The following HORMAD1 variants were observed in gnomAD, a reference collection of about 807,000 sequenced individuals.
HORMAD1 encodes HORMA domain containing 1.
A neutral mutation model predicts 58.2 loss-of-function variants in HORMAD1; 33 were observed. The ratio of observed to expected loss-of-function variants is 0.57; its 90% CI spans 0.43 to 0.76. The LOEUF is 0.76. Among genes scored for constraint, HORMAD1 ranks in the 30% least tolerant of loss-of-function variants. HORMAD1 has a pLI of 0.00. For missense variants in HORMAD1, 363 were observed against 462.0 expected, an observed-to-expected ratio of 0.79 and a Z score of 1.96; for synonymous variants, 137 against 144.6, an observed-to-expected ratio of 0.95 and a Z score of 0.38.
chr1:150,708,040 G>A (rs1240626780), intron 9 of HORMAD1, among the ~76,000 whole-genome samples: 1 of 152,186 alleles, frequency 6.6e-6, no homozygotes, highest in Non-Finnish European at 1.5e-5. Context: ...AAATTTGAGT[G>A]AGGTTATACT....
intron 6 of HORMAD1, 128 bp downstream of exon 6, chr1:150,711,705 C>A: frequency 1.1e-6 from 1 of 931,434 alleles, no homozygotes; most frequent in Non-Finnish European, 1.7e-6. Flanking sequence ...ATTACTTTTT[C>A]ATTCCATTGA....
intron 3 of HORMAD1, among the ~76,000 whole-genome samples, chr1:150,716,110 C>T (rs1652065826): frequency 6.8e-6 from 1 of 146,462 alleles, no homozygotes; most frequent in South Asian, 2.2e-4. Context: ...ACGGAGGAAC[C>T]TTGAAAACAT....
Position 150,717,217 on chromosome 1 carries a change from A to C in HORMAD1, c.99T>G (p.Leu33=). The C allele has an allele frequency of 6.3e-7, 1 of 1,595,908 alleles. No homozygotes were observed. Residue 33 remains leucine, a synonymous_variant, in exon 3 of 15, where the codon CTT becomes CTG. Coordinates refer to ENST00000361824, the MANE Select transcript of HORMAD1 (RefSeq NM_032132.5). ...TGATACAGGATACTGAAACTGCTAG[A>C]AGCCTCTTCACTAACACCAAAGACT... ...EHQSLVLVKR[L]LAVSVSCITY... is the part of the protein sequence containing the mutation.
intron 3 of HORMAD1, among the ~76,000 whole-genome samples, chr1:150,715,496 A>G (rs1652040363): frequency 6.6e-6 from 1 of 152,210 alleles, no homozygotes; most frequent in African/African-American, 2.4e-5. Flanking sequence ...AGTGCTTAAC[A>G]TATTGCCCAG....
chr1:150,713,435 C>T (rs1374604726), intron 5 of HORMAD1, among the ~76,000 whole-genome samples: 3 of 151,948 alleles, frequency 2.0e-5, no homozygotes, highest in Admixed American at 6.6e-5. Flanking sequence ...CTTCTTGAGG[C>T]TGAGGCAGGA....
intron 7 of HORMAD1, among the ~76,000 whole-genome samples, chr1:150,709,543 G>A (rs587634445): frequency 6.6e-5 from 10 of 151,482 alleles, no homozygotes; most frequent in Non-Finnish European, 8.9e-5. Context: ...CCTTGAAAGC[G>A]GGGTATTGTC....
Position 150,708,885 on chromosome 1 carries a change from GAAC to G in HORMAD1, c.395+6_395+8del. ...TCTGTAATACAAACAGAAAACTATA[GAAC>G]AATACCTTATGAAGTCCATGAGTGG... On this transcript the variant is annotated splice_donor_region_variant and intron_variant, in intron 8 of 14. Transcript: ENST00000361824. The G allele has an allele frequency of 1.5e-6, 2 of 1,353,672 alleles. No homozygotes were observed. Among genetic ancestry groups the G allele is most frequent in the Non-Finnish European group, 2.1e-6 (2 of 943,560 alleles). The allele number at this position is 1,353,672 out of a possible 1,614,324, so 83.9% of individuals were successfully genotyped here. A position where few individuals can be genotyped will look rare whatever the true frequency, so the allele number is the denominator to read the frequency against.
At chr1:150,710,534 C>T (rs1465504783) in intron 7 of HORMAD1, among the ~76,000 whole-genome samples, 1 of 152,058 alleles carries the variant, frequency 6.6e-6, no homozygotes, top group East Asian at 1.9e-4. Context: ...AGAAAAAATG[C>T]ACAACTATAT....
intron 13 of HORMAD1, among the ~76,000 whole-genome samples, chr1:150,702,838 T>C (rs1651576389): frequency 6.6e-6 from 1 of 152,160 alleles, no homozygotes; most frequent in South Asian, 2.1e-4. Flanking sequence ...CAAATCACTA[T>C]GGCACACGTT....
At position 150,704,508 on chromosome 1, in the gene HORMAD1, G is replaced by A. The variant is rs139905968; in HGVS notation, c.805-165C>T. Among the ~76,000 whole-genome samples the A allele has an allele frequency of 4.0e-3, 610 of 152,294 alleles. 3 individuals are homozygous for A. Among genetic ancestry groups the A allele is most frequent in the Non-Finnish European group, 6.4e-3 (433 of 68,018 alleles). On this transcript the variant is annotated intron_variant, in intron 10 of 14. Transcript: ENST00000361824. ...TGCTTGTATTACTAGCACTTTGGAA[G>A]GCCATGGAGGGAGGATTGCTTGAGA...
intron 9 of HORMAD1, among the ~76,000 whole-genome samples, chr1:150,707,502 G>A (rs587716830): frequency 3.9e-5 from 6 of 152,196 alleles, no homozygotes; most frequent in African/African-American, 1.2e-4. Flanking sequence ...ATAACTTTGC[G>A]TATTTGCACA....
At chr1:150,701,753 A>G (rs1360953652) in intron 13 of HORMAD1, 1 of 152,244 alleles carries the variant, frequency 6.6e-6, no homozygotes, top group African/African-American at 2.4e-5. Context: ...GCTAAAATAA[A>G]GCAGTGATTT....
Position 150,708,938 on chromosome 1 carries a change from G to C in HORMAD1, c.351C>G (p.Phe117Leu). Reference sequence around the variant, plus strand: ...GTCCATTATTGGTGTATTTGAATTTGAATTGGTAACATTCTGAAATTGTCT... The same window carrying C: ...GTCCATTATTGGTGTATTTGAATTTCAATTGGTAACATTCTGAAATTGTCT... Reference protein sequence around the residue: ...DPQTISECYQFKFKYTNNGPL... With the variant: ...DPQTISECYQLKFKYTNNGPL... Residue 117 changes from phenylalanine (F) to leucine (L), a missense_variant, in exon 8 of 15, where the codon TTC becomes TTG. Physicochemically the swap from Phe to Leu is conservative, Grantham distance 22. This residue lies in a region of HORMAD1 where 128 missense variants were observed against 171.8 expected (regional missense o/e 0.74). Transcript: ENST00000361824. 1 of 1,500,754 alleles carries C rather than the reference G, an allele frequency of 6.7e-7. No individual in the cohort carries two copies. The highest frequency in any genetic ancestry group is 1.7e-5 in the Admixed American group (1 of 59,856). 93.0% of individuals were successfully genotyped at this position (1,500,754 alleles called of 1,614,324 possible). A position where few individuals can be genotyped will look rare whatever the true frequency, so the allele number is the denominator to read the frequency against.
intron 9 of HORMAD1, among the ~76,000 whole-genome samples, chr1:150,707,333 T>A (rs1651724999): frequency 6.6e-6 from 1 of 152,216 alleles, no homozygotes; most frequent in Non-Finnish European, 1.5e-5. Flanking sequence ...ATAATATATC[T>A]TGGATAACGT....
chr1:150,716,107 A>G (rs1038107098), intron 3 of HORMAD1, among the ~76,000 whole-genome samples: 2 of 150,566 alleles, frequency 1.3e-5, no homozygotes, highest in Non-Finnish European at 3.0e-5. Flanking sequence ...AATACGGAGG[A>G]ACCTTGAAAA....
chr1:150,714,652 C>A lies in HORMAD1; in HGVS notation c.205G>T (p.Asp69Tyr). The A allele has an allele frequency of 7.2e-7, 1 of 1,391,566 alleles. No individual in the cohort carries two copies. The allele number at this position is 1,391,566 out of a possible 1,614,324, so 86.2% of individuals were successfully genotyped here. The change falls in exon 4 of 15, where the codon GAT (aspartate) becomes TAT (tyrosine). Residue 69 changes from aspartate to tyrosine, a missense_variant. Around this residue, in one of 3 missense-constraint regions of HORMAD1, gnomAD observed 128 missense variants for 171.8 expected, o/e 0.74. Transcript: ENST00000361824. Reference protein sequence around the residue: ...DDLCVKILREDKNCPGSTQLV... With the variant: ...DDLCVKILREYKNCPGSTQLV... ...TGTGTAGATCCTGGGCAATTTTTATCTTCTCTCAGTATTTTGACACAAAGA... is the reference window on the plus strand; with the variant it reads ...TGTGTAGATCCTGGGCAATTTTTATATTCTCTCAGTATTTTGACACAAAGA...
chr1:150,710,201 G>A (rs959468401), intron 7 of HORMAD1, among the ~76,000 whole-genome samples: 45 of 152,180 alleles, frequency 3.0e-4, no homozygotes, highest in Admixed American at 2.0e-3. Context: ...TGGAGGGGCA[G>A]GCCACCCCTT....
chr1:150,717,018 G>T, intron 3 of HORMAD1, 120 bp downstream of exon 3: 1 of 514,760 alleles, frequency 1.9e-6, no homozygotes, highest in Non-Finnish European at 3.3e-6. Context: ...TCAGGTACGT[G>T]AATTGTATTA....
chr1:150,699,195 A>G (rs1651460397), intron 14 of HORMAD1, among the ~76,000 whole-genome samples: 1 of 152,208 alleles, frequency 6.6e-6, no homozygotes, highest in Non-Finnish European at 1.5e-5. Flanking sequence ...CCTACTAATA[A>G]TACTAAAATA....
Sources: allele counts gnomAD v4.1 joint callset (sites outside exome capture counted in the v4.1 genomes callset), GRCh38; gene constraint gnomAD v4.1.1; regional missense constraint gnomAD v4.1.1; transcripts MANE v1.5; gene names NCBI Gene and HGNC (gene_info 2026-07-23, HGNC 2026-07-21).